EYA3: variants seen among roughly 807,000 people sequenced by gnomAD.
EYA3 encodes protein phosphatase EYA3.
In EYA3, 39 loss-of-function variants were observed where a neutral mutation model predicts 80.0. The ratio of observed to expected loss-of-function variants is 0.49; its 90% confidence interval spans 0.38 to 0.64. The LOEUF (loss-of-function observed/expected upper bound fraction) is 0.64, where lower values mean the gene tolerates loss of function less well. EYA3 is among the 30% of genes least tolerant of loss of function. EYA3 has a pLI of 0.00. For missense variants in EYA3, 523 were observed against 676.1 expected (o/e 0.77, Z 2.51); for synonymous variants, 206 against 232.8 (o/e 0.88, Z 1.05).
chr1:28,039,893 C>G (rs1643680196), intron 4 of EYA3, among the ~76,000 whole-genome samples: 1 of 152,168 alleles, frequency 6.6e-6, no homozygotes, highest in Non-Finnish European at 1.5e-5. Context: ...AAAGTTTTGA[C>G]AATCCATTGC....
chr1:28,078,491 T>C (rs1255374735), intron 1 of EYA3, among the ~76,000 whole-genome samples: 1 of 152,206 alleles, frequency 6.6e-6, no homozygotes, highest in Non-Finnish European at 1.5e-5. Flanking sequence ...TATGGAATGC[T>C]TCTTATGGGT....
chr1:28,066,996 T>C (rs1644856733), intron 1 of EYA3, among the ~76,000 whole-genome samples: 1 of 152,120 alleles, frequency 6.6e-6, no homozygotes, highest in African/African-American at 2.4e-5. Flanking sequence ...TTCATACATA[T>C]TAAGCTACCA....
In EYA3 at chr1:28,017,254, G is replaced by A. The variant is rs556088622; in HGVS notation, c.500-15C>T. ...TGTGCTTGAAGCTAGAGGATTGATG[G>A]GGTTAAAAGATATTAAAGATATTAT... On this transcript the variant is annotated splice_polypyrimidine_tract_variant and intron_variant, in intron 7 of 17. Coordinates refer to ENST00000373871, the MANE Select transcript of EYA3 (RefSeq NM_001990.4). 3.0e-5 allele frequency: 47 copies of A among 1,585,150 alleles called. No homozygotes were observed. In the South Asian group the frequency reaches 4.7e-4, roughly 16 times the overall value.
At chr1:27,989,146 T>A (rs1639861016) in intron 15 of EYA3, among the ~76,000 whole-genome samples, 1 of 152,212 alleles carries the variant, frequency 6.6e-6, no homozygotes, top group African/African-American at 2.4e-5. Flanking sequence ...AGATATCCAC[T>A]CCTTGGTGTC....
At chr1:28,080,499 A>G (rs991525347) in intron 1 of EYA3, among the ~76,000 whole-genome samples, 1 of 152,150 alleles carries the variant, frequency 6.6e-6, no homozygotes, top group African/African-American at 2.4e-5. Flanking sequence ...GAAAATATTA[A>G]TATTACAATG....
intron 5 of EYA3, among the ~76,000 whole-genome samples, chr1:28,038,341 C>A (rs1319329009): frequency 5.4e-5 from 8 of 149,240 alleles, no homozygotes; most frequent in Admixed American, 3.4e-4. Context: ...GAGGCTGAGG[C>A]AGGAGAATCA....
At chr1:27,998,428 A>G (rs1640602226) in intron 12 of EYA3, 1 of 441,018 alleles carries the variant, frequency 2.3e-6, no homozygotes, top group South Asian at 9.6e-5. Flanking sequence ...TGCTGAATAA[A>G]AACTATGATG....
At chr1:28,047,639 CTT>C (rs370957666) in intron 3 of EYA3, among the ~76,000 whole-genome samples, 13 of 133,154 alleles carry the variant, frequency 9.8e-5, no homozygotes, top group Non-Finnish European at 1.1e-4. Flanking sequence ...CCTCTTTTCT[CTT>C]TTTTTTTTTT....
At chr1:28,067,108 T>C (rs1644860082) in intron 1 of EYA3, among the ~76,000 whole-genome samples, 1 of 152,220 alleles carries the variant, frequency 6.6e-6, no homozygotes, top group Admixed American at 6.5e-5. Flanking sequence ...CTTCAGACTG[T>C]TCCTGGATAA....
intron 15 of EYA3, among the ~76,000 whole-genome samples, 189 bp from the exon 16 acceptor site, chr1:27,988,845 G>A (rs944796175): frequency 6.6e-6 from 1 of 152,130 alleles, no homozygotes; most frequent in Non-Finnish European, 1.5e-5. Flanking sequence ...ATATTAAAGG[G>A]CAGAGATTCT....
chr1:28,040,752 T>C (rs1571872534), intron 4 of EYA3, among the ~76,000 whole-genome samples: 1 of 144,816 alleles, frequency 6.9e-6, no homozygotes, highest in Non-Finnish European at 1.5e-5. Context: ...GAATGGGAGG[T>C]GAAAAAGCAA....
At chr1:27,980,254 A>G (rs1328131168) in intron 16 of EYA3, among the ~76,000 whole-genome samples, 1 of 152,222 alleles carries the variant, frequency 6.6e-6, no homozygotes, top group Non-Finnish European at 1.5e-5. Context: ...AATTCTTATT[A>G]TGTTCATGGT....
chr1:27,971,692 T>C lies in EYA3; in HGVS notation c.*2774A>G, dbSNP rs559573724. 5 of 151,280 alleles carry C rather than the reference T, an allele frequency of 3.3e-5. No individual in the cohort carries two copies. In the East Asian group the frequency reaches 9.7e-4, roughly 29 times the overall value. 9.4% of individuals were successfully genotyped at this position (151,280 alleles called of 1,614,324 possible). On this transcript the variant is annotated 3_prime_UTR_variant, in exon 18 of 18. Coordinates refer to ENST00000373871, the MANE Select transcript of EYA3 (RefSeq NM_001990.4). Reference sequence around the variant, plus strand: ...TTGGCTAATTTCATGAGGACTCTAATGAAGAGGGTCTCCCCCTTGATGAAT... The same window carrying C: ...TTGGCTAATTTCATGAGGACTCTAACGAAGAGGGTCTCCCCCTTGATGAAT...
rs1645554455 is a variant in EYA3, at chr1:28,084,573, ATATATATATATATATATATATATTTTTTT to A, written c.-69+3922_-69+3950del. On this transcript the variant is annotated intron_variant, in intron 1 of 17. Coordinates refer to ENST00000373871, the MANE Select transcript of EYA3 (RefSeq NM_001990.4). ...TATTCCAAAATATATATATATATAT[ATATATATATATATATATATATATTTTTTT>A]TTTTTTTTTTTTTTTTTTTTTTTTT... 4.2e-4 allele frequency among the ~76,000 whole-genome samples: 4 copies of A among 9,600 alleles called. No individual in the cohort carries two copies. The South Asian group carries it at 0.012, about 30-fold the overall frequency. The allele number at this position is 9,600 out of a possible 152,430, so 6.3% of individuals were successfully genotyped here.
chr1:28,049,926 G>A (rs1233670478), intron 2 of EYA3, among the ~76,000 whole-genome samples: 1 of 151,964 alleles, frequency 6.6e-6, no homozygotes, highest in Admixed American at 6.6e-5. Flanking sequence ...ATGAATTTAT[G>A]CTTAGCTCAT....
chr1:27,998,197 AATT>A (rs1395459578), intron 12 of EYA3: 1 of 463,246 alleles, frequency 2.2e-6, no homozygotes, highest in Non-Finnish European at 2.8e-6. Context: ...CTTGAATCAG[AATT>A]TCTGAGAGTG....
chr1:28,001,061 T>C (rs1225961432), intron 11 of EYA3, among the ~76,000 whole-genome samples: 4 of 151,950 alleles, frequency 2.6e-5, no homozygotes, highest in South Asian at 4.1e-4. Context: ...TGAGACTCTG[T>C]CTCAAAGTGT....
intron 2 of EYA3, among the ~76,000 whole-genome samples, chr1:28,051,496 T>A (rs1490791126): frequency 6.6e-6 from 1 of 152,152 alleles, no homozygotes; most frequent in African/African-American, 2.4e-5. Context: ...GAGACCAGGC[T>A]GGCCAACATG....
chr1:27,982,395 C>T (rs1639365002), intron 16 of EYA3, among the ~76,000 whole-genome samples: 1 of 151,590 alleles, frequency 6.6e-6, no homozygotes, highest in Non-Finnish European at 1.5e-5. Context: ...ATTCTCCCAC[C>T]TCAGCCACCC....
Sources: allele counts gnomAD v4.1 joint callset (sites outside exome capture counted in the v4.1 genomes callset), GRCh38; gene constraint gnomAD v4.1.1; transcripts MANE v1.5; gene names NCBI Gene and HGNC (gene_info 2026-07-23, HGNC 2026-07-21).